MAGI1: variants seen among roughly 807,000 people sequenced by gnomAD.
The protein encoded by MAGI1 is membrane-associated guanylate kinase, WW and PDZ domain-containing protein 1.
Under a neutral mutation model 139.9 loss-of-function variants are expected in MAGI1, and 58 were observed. That is an observed-to-expected ratio of 0.41 (90% CI 0.34 to 0.52). The LOEUF is 0.52. Ranked by LOEUF, MAGI1 falls within the 20% of genes least tolerant of loss-of-function variation. The pLI, the probability that MAGI1 is intolerant of heterozygous loss-of-function variation, is 0.12. For synonymous variants in MAGI1, 812 were observed against 737.9 expected, an observed-to-expected ratio of 1.10 and a Z score of -1.63; for missense variants, 1,874 against 1,901.6, an observed-to-expected ratio of 0.99 and a Z score of 0.27.
intron 1 of MAGI1, among the ~76,000 whole-genome samples, chr3:65,898,255 C>T (rs550982562): frequency 2.0e-5 from 3 of 152,246 alleles, no homozygotes; most frequent in South Asian, 2.1e-4. Flanking sequence ...GGCATAACAT[C>T]GAATTTTTAT....
chr3:65,811,537 G>A (rs1253073693), intron 1 of MAGI1, among the ~76,000 whole-genome samples: 2 of 152,128 alleles, frequency 1.3e-5, no homozygotes, highest in African/African-American at 2.4e-5. Flanking sequence ...CTCTTTCTAA[G>A]GAAATGTGGA....
intron 1 of MAGI1, among the ~76,000 whole-genome samples, chr3:65,995,264 G>C (rs2066380526): frequency 6.6e-6 from 1 of 152,148 alleles, no homozygotes; most frequent in Non-Finnish European, 1.5e-5. Flanking sequence ...AATAACAAAT[G>C]CAATATGGTC....
chr3:65,871,838 G>A (rs984955843), intron 1 of MAGI1, among the ~76,000 whole-genome samples: 3 of 152,232 alleles, frequency 2.0e-5, no homozygotes, highest in African/African-American at 7.2e-5. Context: ...CTAACCCCAC[G>A]CAGTCATTGT....
chr3:65,987,210 T>C (rs1241251557), intron 1 of MAGI1, among the ~76,000 whole-genome samples: 4 of 152,132 alleles, frequency 2.6e-5, no homozygotes, highest in African/African-American at 9.7e-5. Context: ...GATACCAGTA[T>C]AGCTACACAT....
intron 1 of MAGI1, chr3:65,874,388 G>C (rs1377108846): frequency 6.6e-6 from 1 of 152,144 alleles, no homozygotes; most frequent in African/African-American, 2.4e-5. Flanking sequence ...TAAAGGACTT[G>C]TATCCACAAC....
chr3:65,845,508 G>C (rs1288697409), intron 1 of MAGI1, among the ~76,000 whole-genome samples: 7 of 152,154 alleles, frequency 4.6e-5, no homozygotes, highest in Non-Finnish European at 8.8e-5. Flanking sequence ...GTCTGGAACA[G>C]AGTAGGCACT....
rs115933626 is a variant in MAGI1 at position 65,733,512 on chromosome 3, A to G, written c.314-111424T>C. Among the ~76,000 whole-genome samples, 244 of 152,344 alleles carry G rather than the reference A, an allele frequency of 1.6e-3. 2 individuals carry two copies. The highest frequency in any genetic ancestry group is 4.6e-3 in the South Asian group (22 of 4,828). On this transcript the variant is annotated intron_variant, in intron 1 of 22. Coordinates refer to ENST00000402939, the MANE Select transcript of MAGI1 (RefSeq NM_001033057.2). ...CCATCAGAGCAGACATTTCTGCTCTAAGATTATCTGTCAGTGGCAACTGCA... is the reference window on the plus strand; with the variant it reads ...CCATCAGAGCAGACATTTCTGCTCTGAGATTATCTGTCAGTGGCAACTGCA...
At position 65,653,421 on chromosome 3, in the gene MAGI1, G is replaced by A. The variant is rs149144082; in HGVS notation, c.314-31333C>T. ...GTTTGCATTCTTTCATGGGCTTTCC[G>A]ATGTGCTTAGAATAAATTACAGACA... On this transcript the variant is annotated intron_variant, in intron 1 of 22. Coordinates refer to ENST00000402939, the MANE Select transcript of MAGI1 (RefSeq NM_001033057.2). Among the ~76,000 whole-genome samples, 147 of 152,182 alleles carry A rather than the reference G, an allele frequency of 9.7e-4. 1 individual carries two copies. Among genetic ancestry groups the A allele is most frequent in the African/African-American group, 3.3e-3 (136 of 41,530 alleles).
intron 2 of MAGI1, among the ~76,000 whole-genome samples, chr3:65,507,681 A>T (rs909661706): frequency 6.6e-6 from 1 of 152,190 alleles, no homozygotes; most frequent in Non-Finnish European, 1.5e-5. Context: ...GCAACGGCAA[A>T]ATCATTTAGA....
chr3:65,896,360 T>G (rs1415391893), intron 1 of MAGI1, among the ~76,000 whole-genome samples: 1 of 148,948 alleles, frequency 6.7e-6, no homozygotes, highest in East Asian at 2.0e-4. Context: ...TCGAGGACAA[T>G]TTAGTTATAT....
intron 1 of MAGI1, among the ~76,000 whole-genome samples, chr3:66,027,524 T>C (rs560124537): frequency 8.5e-5 from 13 of 152,206 alleles, no homozygotes; most frequent in African/African-American, 2.4e-4. Context: ...TGGAATCAGA[T>C]AGATCTGAGT....
intron 2 of MAGI1, among the ~76,000 whole-genome samples, chr3:65,583,737 GCT>G (rs1366861993): frequency 6.6e-6 from 1 of 152,074 alleles, no homozygotes; most frequent in East Asian, 1.9e-4. Context: ...GAAGAATAGG[GCT>G]CTTTAAGGAC....
intron 1 of MAGI1, among the ~76,000 whole-genome samples, chr3:65,676,379 T>C (rs1489891550): frequency 6.6e-6 from 1 of 152,190 alleles, no homozygotes; most frequent in Non-Finnish European, 1.5e-5. Flanking sequence ...TAATCATGAC[T>C]GCAATAATCA....
At chr3:65,425,141 A>C (rs960788767) in intron 12 of MAGI1, among the ~76,000 whole-genome samples, 58 of 135,874 alleles carry the variant, frequency 4.3e-4, no homozygotes, top group African/African-American at 1.2e-3. Context: ...AACAAAAAAA[A>C]ACACACATGC....
chr3:65,890,668 G>T (rs563859145), intron 1 of MAGI1, among the ~76,000 whole-genome samples: 1 of 152,240 alleles, frequency 6.6e-6, no homozygotes, highest in East Asian at 1.9e-4. Context: ...AGTTGAACAA[G>T]TCACAAAATA....
intron 1 of MAGI1, among the ~76,000 whole-genome samples, chr3:65,889,282 G>A (rs1011547277): frequency 6.6e-6 from 1 of 152,146 alleles, no homozygotes; most frequent in Non-Finnish European, 1.5e-5. Flanking sequence ...GAGAATGTGG[G>A]CAAGGAGATG....
At chr3:65,428,418 G>C (rs35333459) in intron 12 of MAGI1, among the ~76,000 whole-genome samples, 43,966 of 152,136 alleles carry the variant, frequency 0.29, 8,160 homozygotes, top group Non-Finnish European at 0.42. Context: ...GTGAGGCAGA[G>C]GGTGGGATAC....
intron 4 of MAGI1, 37 bp from the exon 5 acceptor site, chr3:65,470,521 GAGAAA>G: frequency 5.3e-6 from 6 of 1,137,650 alleles, no homozygotes; most frequent in Non-Finnish European, 7.2e-6. Context: ...GAGAGAGAGA[GAGAAA>G]AAAAAAAAAT....
chr3:65,714,356 T>TG (rs1433581903), intron 1 of MAGI1, among the ~76,000 whole-genome samples: 3 of 151,946 alleles, frequency 2.0e-5, no homozygotes, highest in Non-Finnish European at 4.4e-5. Context: ...GATGAGGTAA[T>TG]GTCTCCATCC....
Sources: allele counts gnomAD v4.1 joint callset (sites outside exome capture counted in the v4.1 genomes callset), GRCh38; gene constraint gnomAD v4.1.1; transcripts MANE v1.5; gene names NCBI Gene and HGNC (gene_info 2026-07-23, HGNC 2026-07-21).